REC8: variants seen among roughly 807,000 people sequenced by gnomAD.
The protein encoded by REC8 is REC8 meiotic recombination protein.
A neutral mutation model predicts 78.3 loss-of-function variants in REC8; 42 were observed. The ratio of observed to expected loss-of-function variants is 0.54; its 90% CI spans 0.42 to 0.69. The LOEUF (loss-of-function observed/expected upper bound fraction) is 0.69, where lower values mean the gene tolerates loss of function less well. Among genes scored for constraint, REC8 ranks in the 30% least tolerant of loss-of-function variants. The pLI is 0.00. For synonymous variants in REC8, 268 were observed against 274.1 expected (o/e 0.98, Z 0.22); for missense variants, 581 against 715.8 (o/e 0.81, Z 2.15).
chr14:24,174,381 G>A (rs967630871), intron 5 of REC8, among the ~76,000 whole-genome samples: 2 of 151,582 alleles, frequency 1.3e-5, no homozygotes, highest in Non-Finnish European at 2.9e-5. Context: ...CTGGTCAAGC[G>A]ATTCTCCTGC....
Position 24,177,142 on chromosome 14 carries a change from G to A in REC8, c.626G>A (p.Gly209Asp). ...AEPIRMLEIE[G>D]ERELPEVSRR... Reference sequence around the variant, plus strand: ...CCCTTGCTCTTCCTCTCTGGACAGGGTGAACGGGAGCTCCCAGAGGTCAGC... The same window carrying A: ...CCCTTGCTCTTCCTCTCTGGACAGGATGAACGGGAGCTCCCAGAGGTCAGC... Residue 209 changes from glycine (G) to aspartate (D), a missense_variant and splice_region_variant, in exon 8 of 19, where the codon GGT becomes GAT. Gly to Asp is a moderately conservative substitution (Grantham distance 94). Transcript: ENST00000611366. 1.9e-6 allele frequency: 3 copies of A among 1,613,912 alleles called. No individual in the cohort carries two copies. The highest frequency in any genetic ancestry group is 2.5e-6 in the Non-Finnish European group (3 of 1,179,804).
chr14:24,176,862 G>C lies in REC8; in HGVS notation c.585G>C (p.Thr195=). 1 of 1,613,844 alleles carries C rather than the reference G, an allele frequency of 6.2e-7. No homozygotes were observed. The change falls in exon 7 of 19, where the codon ACG becomes ACC. Residue 195 remains threonine (T), a synonymous_variant. Transcript: ENST00000611366. The stretch of plus-strand genomic sequence containing the variant: ...CTGTGCTGCCACCTGAGGCCATCAC[G>C]ATCCTGGAGGCAGAGCCCATACGGA... ...PVTVLPPEAI[T]ILEAEPIRML...
Position 24,178,650 on chromosome 14 carries a change from G to A in REC8, c.1041G>A (p.Glu347=), listed in dbSNP as rs758728574. Residue 347 remains glutamate (E), a synonymous_variant, in exon 13 of 19, where the codon GAG becomes GAA. Transcript: ENST00000611366. ...AGAGGACCATCAGAGGCCCTGCGGA[G>A]TTGTTCAGAACCCCAACTCTCTGTA... ...PPERTIRGPA[E]LFRTPTLSGW... 6.2e-7 allele frequency: 1 copy of A among 1,614,112 alleles called. No homozygotes were observed. The highest frequency in any genetic ancestry group is 8.5e-7 in the Non-Finnish European group (1 of 1,179,994).
chr14:24,178,690 T>C lies in REC8; in HGVS notation c.1063+18T>C. 1 of 1,614,002 alleles carries C rather than the reference T, an allele frequency of 6.2e-7. No individual in the cohort carries two copies. ...AACTCTCTGTAAGAATGGTGGGGGT[T>C]GGGCACGAAGTATCCTCAAAACCAA... On this transcript the variant is annotated intron_variant, in intron 13 of 18. Coordinates refer to ENST00000611366, the MANE Select transcript of REC8 (RefSeq NM_001048205.2).
intron 15 of REC8, 122 bp downstream of exon 15, chr14:24,179,255 C>A: frequency 8.4e-7 from 1 of 1,188,598 alleles, no homozygotes; most frequent in Non-Finnish European, 1.2e-6. Flanking sequence ...TAAGGAAGCA[C>A]GGACTGGTCC....
chr14:24,179,571 C>T (rs1445025229), intron 16 of REC8, 24 bp from the exon 17 acceptor site: 1 of 1,614,042 alleles, frequency 6.2e-7, no homozygotes, highest in Non-Finnish European at 8.5e-7. Context: ...CTGCCACCTT[C>T]CCTACTCTCT....
intron 5 of REC8, among the ~76,000 whole-genome samples, chr14:24,173,999 GGGACTAC>G (rs2139124508): frequency 6.6e-6 from 1 of 152,036 alleles, no homozygotes; most frequent in Non-Finnish European, 1.5e-5. Context: ...CCGAGTAGCT[GGGACTAC>G]AGGCATTTGC....
At chr14:24,172,633 C>T in intron 1 of REC8, 25 bp downstream of exon 1, 1 of 1,612,812 alleles carries the variant, frequency 6.2e-7, no homozygotes, top group South Asian at 1.1e-5. Flanking sequence ...CGTTGGCGCG[C>T]GATGGCGGAC....
rs1023746963 is a variant in REC8, at chr14:24,176,970, C to T, written c.624+69C>T. 1.5e-5 allele frequency: 21 copies of T among 1,426,110 alleles called. No individual in the cohort carries two copies. In the South Asian group the frequency reaches 2.4e-4, roughly 16 times the overall value. 88.3% of individuals were successfully genotyped at this position (1,426,110 alleles called of 1,614,324 possible). ...ATGTACTTCTCTCTGTCCCCAGAGT[C>T]CTGCCTTTTCTGTCTCCATTTCCCT... On this transcript the variant is annotated intron_variant, in intron 7 of 18. Transcript: ENST00000611366.
Sources: allele counts gnomAD v4.1 joint callset (sites outside exome capture counted in the v4.1 genomes callset), GRCh38; gene constraint gnomAD v4.1.1; transcripts MANE v1.5; gene names NCBI Gene and HGNC (gene_info 2026-07-23, HGNC 2026-07-21).